NOL4L: variants seen among roughly 807,000 people sequenced by gnomAD.
NOL4L encodes nucleolar protein 4 like.
In NOL4L, 7 loss-of-function variants were observed where a neutral mutation model predicts 64.5. That is an observed-to-expected ratio of 0.11 (90% CI 0.06 to 0.20). The LOEUF is 0.20. Among genes scored for constraint, NOL4L ranks in the 10% least tolerant of loss-of-function variants. NOL4L has a pLI of 1.00. For synonymous variants in NOL4L, 413 were observed against 401.0 expected (o/e 1.03, Z -0.36); for missense variants, 680 against 967.1 (o/e 0.70, Z 3.94).
intron 1 of NOL4L, among the ~76,000 whole-genome samples, chr20:32,579,581 G>C (rs989404367): frequency 1.3e-5 from 2 of 152,014 alleles, no homozygotes; most frequent in African/African-American, 4.8e-5. Flanking sequence ...GCCTGCAGGG[G>C]CCATAAAGCA....
At chr20:32,564,502 C>A (rs1568716288) in intron 1 of NOL4L, among the ~76,000 whole-genome samples, 1 of 152,170 alleles carries the variant, frequency 6.6e-6, no homozygotes, top group Non-Finnish European at 1.5e-5. Flanking sequence ...TTGTACTATT[C>A]TATGATCTAA....
At chr20:32,479,845 C>T (rs1380624089) in intron 4 of NOL4L, among the ~76,000 whole-genome samples, 10 of 152,242 alleles carry the variant, frequency 6.6e-5, no homozygotes, top group Non-Finnish European at 1.0e-4. Flanking sequence ...GGACACACCC[C>T]AACCTGGGAG....
chr20:32,541,010 C>T (rs924357981), intron 1 of NOL4L, among the ~76,000 whole-genome samples: 41 of 121,820 alleles, frequency 3.4e-4, no homozygotes, highest in Non-Finnish European at 5.8e-4. Context: ...CCACCCCCTA[C>T]ACACACACAC....
At chr20:32,545,983 C>CT (rs2018727713) in intron 1 of NOL4L, among the ~76,000 whole-genome samples, 1 of 142,266 alleles carries the variant, frequency 7.0e-6, no homozygotes, top group African/African-American at 2.7e-5. Flanking sequence ...GAGTCTTGCT[C>CT]TGTCGCCCAG....
chr20:32,536,927 C>T lies in NOL4L; in HGVS notation c.322-9014G>A, dbSNP rs917927989. Among the ~76,000 whole-genome samples, 381 of 149,402 alleles carry T rather than the reference C, an allele frequency of 2.6e-3. 2 individuals carry two copies. The highest frequency in any genetic ancestry group is 8.6e-3 in the African/African-American group (352 of 41,036). ...TCCCCCTGTCTCCAGCCTCTAGGCG[C>T]GCGCCCGCTCACCTGGAGACCGCGC... On this transcript the variant is annotated intron_variant, in intron 1 of 10. Transcript: ENST00000621426.
chr20:32,555,703 C>A (rs779241325), intron 1 of NOL4L, among the ~76,000 whole-genome samples: 1 of 152,122 alleles, frequency 6.6e-6, no homozygotes, highest in Non-Finnish European at 1.5e-5. Flanking sequence ...AGGATACAGA[C>A]GTTCACAGAG....
chr20:32,582,493 T>C (rs943021814), intron 1 of NOL4L, among the ~76,000 whole-genome samples: 1 of 151,552 alleles, frequency 6.6e-6, no homozygotes, highest in Non-Finnish European at 1.5e-5. Flanking sequence ...TCTACAGCTG[T>C]GTGGATAAAG....
At chr20:32,469,492 C>T (rs2014846518) in intron 5 of NOL4L, among the ~76,000 whole-genome samples, 1 of 151,952 alleles carries the variant, frequency 6.6e-6, no homozygotes, top group Non-Finnish European at 1.5e-5. Flanking sequence ...CTGCCTCAGC[C>T]TCCGGAGTAG....
intron 5 of NOL4L, among the ~76,000 whole-genome samples, chr20:32,473,569 C>T (rs1013213578): frequency 5.9e-5 from 9 of 152,194 alleles, no homozygotes; most frequent in Non-Finnish European, 8.8e-5. Flanking sequence ...CAGACTGGGT[C>T]TCCTCCCAAA....
chr20:32,509,136 C>A (rs1044679880), intron 4 of NOL4L, among the ~76,000 whole-genome samples: 1 of 152,182 alleles, frequency 6.6e-6, no homozygotes, highest in Non-Finnish European at 1.5e-5. Flanking sequence ...TGCACCATGG[C>A]AATGCCCCAC....
At chr20:32,490,686 C>T (rs2016431017) in intron 4 of NOL4L, among the ~76,000 whole-genome samples, 1 of 152,176 alleles carries the variant, frequency 6.6e-6, no homozygotes, top group Non-Finnish European at 1.5e-5. Flanking sequence ...ATACAACTAA[C>T]TGAGCCTGAC....
rs117706564 is a variant in NOL4L at position 32,479,074 on chromosome 20, T to C, written c.700-4332A>G. Among the ~76,000 whole-genome samples, 39 of 152,358 alleles carry C rather than the reference T, an allele frequency of 2.6e-4. No homozygotes were observed. The East Asian group carries it at 5.8e-3, about 23-fold the overall frequency. On this transcript the variant is annotated intron_variant, in intron 4 of 10. Transcript: ENST00000621426. ...GTCTGGCGCAGCACAGCCCAGTTCATGGGTGTAAGCCCCCCTAGCCGCAGA... is the reference window on the plus strand; with the variant it reads ...GTCTGGCGCAGCACAGCCCAGTTCACGGGTGTAAGCCCCCCTAGCCGCAGA...
chr20:32,488,622 G>A (rs2016197626), intron 4 of NOL4L, among the ~76,000 whole-genome samples: 1 of 152,196 alleles, frequency 6.6e-6, no homozygotes, highest in Non-Finnish European at 1.5e-5. Flanking sequence ...CAATCTGAGG[G>A]AGGAAGAACA....
rs747061655 is a variant in NOL4L, at chr20:32,447,756, G to A, written c.1883C>T (p.Thr628Ile). The change falls in exon 11 of 11, where the codon ACC (threonine) becomes ATC (isoleucine). Residue 628 changes from threonine (T) to isoleucine (I), a missense_variant. Physicochemically the swap from Thr to Ile is moderately conservative, Grantham distance 89. Transcript: ENST00000621426. Reference sequence around the variant, plus strand: ...CCTGCTGGTGCTGGTGCTGGAGGGGGTGGGCGTGGGGGTGGTGGAGGTGGT... The same window carrying A: ...CCTGCTGGTGCTGGTGCTGGAGGGGATGGGCGTGGGGGTGGTGGAGGTGGT... ...ASTTSTTPTP[T>I]PSSTSTSRPV... 1 of 1,594,268 alleles carries A rather than the reference G, an allele frequency of 6.3e-7. No homozygotes were observed. Among genetic ancestry groups the A allele is most frequent in the Non-Finnish European group, 8.6e-7 (1 of 1,167,650 alleles).
chr20:32,526,781 T>G (rs1327575893), intron 2 of NOL4L, among the ~76,000 whole-genome samples: 1 of 152,218 alleles, frequency 6.6e-6, no homozygotes, highest in Non-Finnish European at 1.5e-5. Context: ...GGGTCCTCAG[T>G]GCCTCGGTCA....
chr20:32,490,890 G>A (rs2016440454), intron 4 of NOL4L, among the ~76,000 whole-genome samples: 1 of 152,220 alleles, frequency 6.6e-6, no homozygotes, highest in Non-Finnish European at 1.5e-5. Context: ...TGGCGTTGGA[G>A]GCCCCACTGG....
At chr20:32,478,772 G>A (rs1277029035) in intron 4 of NOL4L, among the ~76,000 whole-genome samples, 1 of 152,130 alleles carries the variant, frequency 6.6e-6, no homozygotes, top group Non-Finnish European at 1.5e-5. Flanking sequence ...TTAATTTTTT[G>A]TAGAGACAAG....
intron 4 of NOL4L, among the ~76,000 whole-genome samples, chr20:32,488,761 T>C (rs911441841): frequency 3.7e-5 from 2 of 54,610 alleles, no homozygotes; most frequent in African/African-American, 1.4e-4. Context: ...CTTCCTTCCT[T>C]CCTTCCTTCC....
At chr20:32,581,274 C>G (rs1271086389) in intron 1 of NOL4L, among the ~76,000 whole-genome samples, 1 of 152,142 alleles carries the variant, frequency 6.6e-6, no homozygotes, top group Non-Finnish European at 1.5e-5. Context: ...CCCTGCCCCA[C>G]CCCCACTTGG....
Sources: gnomAD v4.1 joint callset for allele counts (sites outside exome capture counted in the v4.1 genomes callset) on GRCh38, gnomAD v4.1.1 for gene constraint, MANE v1.5 for transcripts, NCBI Gene and HGNC (gene_info 2026-07-23, HGNC 2026-07-21) for gene names.